The following TMEM87A variants were observed in gnomAD, a reference collection of about 807,000 sequenced individuals.
TMEM87A encodes transmembrane protein 87A.
In TMEM87A, 50 loss-of-function variants were observed where a neutral mutation model predicts 90.0. The ratio of observed to expected loss-of-function variants is 0.56; its 90% confidence interval spans 0.44 to 0.70. TMEM87A has a LOEUF of 0.70. TMEM87A is among the 30% of genes least tolerant of loss of function. TMEM87A has a pLI of 0.00. For missense variants in TMEM87A, 577 were observed against 660.5 expected (o/e 0.87, Z 1.39); for synonymous variants, 226 against 226.7 (o/e 1.00, Z 0.03).
At chr15:42,219,434 G>C (rs370556083) in intron 17 of TMEM87A, 147 bp downstream of exon 17, 19 of 629,446 alleles carry the variant, frequency 3.0e-5, no homozygotes, top group East Asian at 3.1e-5. Context: ...TTTTTGCTTT[G>C]TTCCCTGTGC....
At chr15:42,267,826 C>G (rs1184727972) in intron 3 of TMEM87A, 121 bp downstream of exon 3, 2 of 640,436 alleles carry the variant, frequency 3.1e-6, no homozygotes, top group Middle Eastern at 4.5e-4. Flanking sequence ...GGGAAGCATG[C>G]ATTCTAGTTT....
At chr15:42,244,718 G>C (rs1014633218) in intron 6 of TMEM87A, among the ~76,000 whole-genome samples, 3 of 144,986 alleles carry the variant, frequency 2.1e-5, no homozygotes, top group African/African-American at 7.7e-5. Context: ...ACCCCTCAAA[G>C]TCAAGGAAGA....
intron 4 of TMEM87A, among the ~76,000 whole-genome samples, chr15:42,263,639 T>C (rs910431448): frequency 1.3e-5 from 2 of 152,174 alleles, no homozygotes; most frequent in East Asian, 1.9e-4. Flanking sequence ...CCCTAGCCAC[T>C]TGGGAGGCTG....
chr15:42,237,224 G>C (rs1252337000), intron 9 of TMEM87A, among the ~76,000 whole-genome samples: 1 of 152,064 alleles, frequency 6.6e-6, no homozygotes, highest in African/African-American at 2.4e-5. Context: ...TGTGACTTTT[G>C]TGAGCATATT....
intron 6 of TMEM87A, among the ~76,000 whole-genome samples, chr15:42,257,500 C>A (rs1480406737): frequency 2.6e-5 from 4 of 152,158 alleles, no homozygotes; most frequent in African/African-American, 9.7e-5. Flanking sequence ...GCCAAATAAA[C>A]CTCTTTTCTT....
intron 15 of TMEM87A, among the ~76,000 whole-genome samples, chr15:42,224,107 C>G (rs532139042): frequency 9.2e-5 from 14 of 152,250 alleles, no homozygotes; most frequent in Non-Finnish European, 2.1e-4. Context: ...TCTTTATTTG[C>G]CTGGGGACTT....
rs1212058866 is a variant in TMEM87A at position 42,236,414 on chromosome 15, C to T, written c.874G>A (p.Gly292Ser). ...NIRYKGESVQGALILAELLSA... is the reference protein window; with the variant it reads ...NIRYKGESVQSALILAELLSA... ...AGCAGCTCTGCAAGGATCAAAGCAC[C>T]CTGGACTATGAAAAAGAAGGGAAGA... The change falls in exon 10 of 20, where the codon GGT (glycine) becomes AGT (serine). Residue 292 changes from glycine (G) to serine (S), a missense_variant. Coordinates refer to ENST00000389834, the MANE Select transcript of TMEM87A (RefSeq NM_015497.5). The T allele has an allele frequency of 1.2e-6, 2 of 1,613,890 alleles. No homozygotes were observed. The highest frequency in any genetic ancestry group is 8.5e-7 in the Non-Finnish European group (1 of 1,179,856).
chr15:42,234,453 A>G (rs2050739682), intron 10 of TMEM87A, among the ~76,000 whole-genome samples: 1 of 152,214 alleles, frequency 6.6e-6, no homozygotes, highest in South Asian at 2.1e-4. Flanking sequence ...TTTTCTCCCC[A>G]TTCATCTTGG....
intron 6 of TMEM87A, among the ~76,000 whole-genome samples, chr15:42,257,023 A>G (rs1242299031): frequency 6.6e-6 from 1 of 152,152 alleles, no homozygotes; most frequent in Non-Finnish European, 1.5e-5. Flanking sequence ...TGGCTTAACG[A>G]TAACTTTTTA....
chr15:42,233,407 A>C, intron 10 of TMEM87A, 101 bp from the exon 11 acceptor site: 9 of 825,694 alleles, frequency 1.1e-5, no homozygotes, highest in Non-Finnish European at 1.8e-5. Context: ...CAACAATTTA[A>C]AGCAATAAAT....
intron 17 of TMEM87A, among the ~76,000 whole-genome samples, chr15:42,219,163 A>G (rs1452519045): frequency 6.6e-6 from 1 of 152,186 alleles, no homozygotes; most frequent in Non-Finnish European, 1.5e-5. Flanking sequence ...AGGATTAGTA[A>G]TGATAAAAAT....
At chr15:42,222,955 A>G (rs977518609) in intron 15 of TMEM87A, among the ~76,000 whole-genome samples, 4 of 152,212 alleles carry the variant, frequency 2.6e-5, no homozygotes, top group Admixed American at 1.3e-4. Context: ...AAAATGTACA[A>G]TCCTTGAAGG....
chr15:42,216,363 G>C (rs1302915914), intron 19 of TMEM87A, among the ~76,000 whole-genome samples: 1 of 152,186 alleles, frequency 6.6e-6, no homozygotes, highest in Non-Finnish European at 1.5e-5. Flanking sequence ...AGTTAAGAGA[G>C]TAGATCTCAT....
At position 42,239,828 on chromosome 15, in the gene TMEM87A, T is replaced by C. The variant is rs900929016; in HGVS notation, c.623-97A>G. 12 of 1,035,476 alleles carry C rather than the reference T, an allele frequency of 1.2e-5. No individual in the cohort carries two copies. The African/African-American group carries it at 1.4e-4, about 12-fold the overall frequency. 64.1% of individuals were successfully genotyped at this position (1,035,476 alleles called of 1,614,324 possible). A position where few individuals can be genotyped will look rare whatever the true frequency, so the allele number is the denominator to read the frequency against. On this transcript the variant is annotated intron_variant, in intron 7 of 19. Transcript: ENST00000389834. ...TTTAATGAACTTAGTAAGAATTTCA[T>C]TGGGTCATTTACTTTTAGGCACTTC...
chr15:42,244,303 T>C (rs965815123), intron 6 of TMEM87A, 136 bp from the exon 7 acceptor site: 8 of 587,986 alleles, frequency 1.4e-5, no homozygotes, highest in African/African-American at 9.8e-5. Flanking sequence ...ATTGAAACAT[T>C]AGGCACAACA....
rs977738635 is a variant in TMEM87A, at chr15:42,258,452, G to A, written c.504+2506C>T. 4 of 581,554 alleles carry A rather than the reference G, an allele frequency of 6.9e-6. No individual in the cohort carries two copies. In the African/African-American group the frequency reaches 8.0e-5, roughly 12 times the overall value. The allele number at this position is 581,554 out of a possible 1,614,324, so 36.0% of individuals were successfully genotyped here. A position where few individuals can be genotyped will look rare whatever the true frequency, so the allele number is the denominator to read the frequency against. On this transcript the variant is annotated intron_variant, in intron 6 of 19. Transcript: ENST00000389834. The stretch of plus-strand genomic sequence containing the variant: ...TCTTTTTTCTTTTTTTTTTGAGATG[G>A]AATCTCACTGGCTGCCCAGGCTGGA...
rs2051321148 is a variant in TMEM87A at position 42,262,803 on chromosome 15, C to G, written c.405+1287G>C. On this transcript the variant is annotated intron_variant, in intron 4 of 19. Transcript: ENST00000389834. ...GTTCAAGGCAAGTTGCTAAATATTC[C>G]AAAATAATTTTTAAATATAGTAAGG... 2.6e-5 allele frequency among the ~76,000 whole-genome samples: 4 copies of G among 152,054 alleles called. No homozygotes were observed. The South Asian group carries it at 8.3e-4, about 32-fold the overall frequency.
chr15:42,264,670 T>C (rs899256511), intron 3 of TMEM87A, among the ~76,000 whole-genome samples: 2 of 120,160 alleles, frequency 1.7e-5, no homozygotes, highest in Non-Finnish European at 3.5e-5. Context: ...CTCAGAACTA[T>C]ATATATGTGT....
intron 12 of TMEM87A, among the ~76,000 whole-genome samples, chr15:42,229,286 G>A (rs1485964494): frequency 6.6e-5 from 10 of 151,876 alleles, no homozygotes; most frequent in Non-Finnish European, 1.0e-4. Flanking sequence ...TTACAGGCAC[G>A]AGCCACCATA....
Sources: allele counts gnomAD v4.1 joint callset (sites outside exome capture counted in the v4.1 genomes callset), GRCh38; gene constraint gnomAD v4.1.1; transcripts MANE v1.5; gene names NCBI Gene and HGNC (gene_info 2026-07-23, HGNC 2026-07-21).